Variants in PIGN observed in about 807,000 individuals in gnomAD.
PIGN encodes the protein GPI ethanolamine phosphate transferase 1.
PIGN carries 117 observed loss-of-function variants against 125.4 expected under a neutral mutation model. That is an observed-to-expected ratio of 0.93 (90% confidence interval 0.80 to 1.09). The LOEUF (loss-of-function observed/expected upper bound fraction) is 1.09, where lower values mean the gene tolerates loss of function less well. Among genes scored for constraint, PIGN ranks in the 50% least tolerant of loss-of-function variants. PIGN has a pLI of 0.00. For synonymous variants in PIGN, 392 were observed against 377.8 expected (o/e 1.04, Z -0.44); for missense variants, 1,075 against 1,094.9 (o/e 0.98, Z 0.26).
chr18:62,025,720 C>T (rs547110694), intron 23 of PIGN, among the ~76,000 whole-genome samples: 18 of 152,254 alleles, frequency 1.2e-4, no homozygotes, highest in African/African-American at 3.1e-4. Context: ...CTTCTCCTCC[C>T]GGGTTTCCTA....
At chr18:62,161,974 C>T (rs193071963) in intron 3 of PIGN, among the ~76,000 whole-genome samples, 2 of 152,080 alleles carry the variant, frequency 1.3e-5, no homozygotes, top group African/African-American at 2.4e-5. Flanking sequence ...TCACATTTGG[C>T]AGAATCATAT....
intron 11 of PIGN, among the ~76,000 whole-genome samples, chr18:62,141,547 C>G (rs140229875): frequency 4.5e-4 from 68 of 152,328 alleles, no homozygotes; most frequent in African/African-American, 1.4e-3. Context: ...GTCTTTCTCA[C>G]TTTCTACTAT....
At chr18:62,114,940 G>A (rs2146619613) in intron 14 of PIGN, among the ~76,000 whole-genome samples, 1 of 152,300 alleles carries the variant, frequency 6.6e-6, no homozygotes, top group Non-Finnish European at 1.5e-5. Flanking sequence ...TGATTAAATT[G>A]AAGTAATTAG....
chr18:62,025,188 T>C (rs1387548507), intron 23 of PIGN, among the ~76,000 whole-genome samples: 1 of 152,234 alleles, frequency 6.6e-6, no homozygotes, highest in Non-Finnish European at 1.5e-5. Flanking sequence ...CTTTTACTCA[T>C]ATATGTATTT....
chr18:62,049,297 G>A (rs2031039870), intron 30 of PIGN, among the ~76,000 whole-genome samples: 1 of 151,966 alleles, frequency 6.6e-6, no homozygotes, highest in South Asian at 2.1e-4. Flanking sequence ...CACAATGGTT[G>A]AACTAGTTTA....
intron 1 of PIGN, chr18:62,174,512 A>G (rs2037452656): frequency 6.6e-6 from 1 of 152,200 alleles, no homozygotes; most frequent in Non-Finnish European, 1.5e-5. Flanking sequence ...TGAAGGCCAG[A>G]GACATGAAGT....
At chr18:62,175,080 A>AATAT (rs1403569597) in intron 1 of PIGN, among the ~76,000 whole-genome samples, 2 of 145,978 alleles carry the variant, frequency 1.4e-5, no homozygotes, top group East Asian at 2.0e-4. Context: ...ATATATATTT[A>AATAT]ATATATCTAA....
At chr18:62,149,253 CA>C (rs1210498158) in intron 7 of PIGN, among the ~76,000 whole-genome samples, 34 of 152,138 alleles carry the variant, frequency 2.2e-4, no homozygotes, top group African/African-American at 7.7e-4. Flanking sequence ...AGAAACTATT[CA>C]AGAATAGAAA....
At chr18:62,130,418 CA>C (rs2035688937) in intron 14 of PIGN, among the ~76,000 whole-genome samples, 1 of 151,958 alleles carries the variant, frequency 6.6e-6, no homozygotes, top group Non-Finnish European at 1.5e-5. Flanking sequence ...TAAAAAGCAA[CA>C]TGTTTGAAAT....
chr18:62,182,921 G>A (rs2037767112), intron 1 of PIGN, among the ~76,000 whole-genome samples: 1 of 152,192 alleles, frequency 6.6e-6, no homozygotes, highest in African/African-American at 2.4e-5. Flanking sequence ...CAGAATGGTG[G>A]TAACCAGAGG....
chr18:62,079,004 C>T (rs1314576180), intron 28 of PIGN, among the ~76,000 whole-genome samples: 1 of 152,122 alleles, frequency 6.6e-6, no homozygotes, highest in African/African-American at 2.4e-5. Flanking sequence ...CTATCTGTGG[C>T]CCCTTCTTTT....
intron 10 of PIGN, among the ~76,000 whole-genome samples, chr18:62,143,710 G>C (rs1326460303): frequency 1.3e-5 from 2 of 152,088 alleles, no homozygotes; most frequent in African/African-American, 4.8e-5. Context: ...GAGTTATTAA[G>C]GCAATTCATA....
At chr18:62,136,208 T>C (rs2035926877) in intron 14 of PIGN, 1 of 152,194 alleles carries the variant, frequency 6.6e-6, no homozygotes, top group Non-Finnish European at 1.5e-5. Flanking sequence ...CCTAATGATA[T>C]ATTTAGGGTA....
chr18:62,109,930 A>G lies in PIGN; in HGVS notation c.1478T>C (p.Ile493Thr). The change falls in exon 17 of 31, where the codon ATT becomes ACT. Residue 493 changes from isoleucine (I) to threonine (T), a missense_variant. Physicochemically the swap from Ile to Thr is moderately conservative, Grantham distance 89. Transcript: ENST00000640252. ...AATCAGCAGAAAAAATGCTACTAAA[A>G]TGCCAATAGCTACAAAACTACAAGG... is the stretch of plus-strand genomic sequence containing the variant. ...LLPCSFVAIG[I>T]LVAFFLLIQA... The G allele has an allele frequency of 6.2e-7, 1 of 1,613,434 alleles. No homozygotes were observed. The highest frequency in any genetic ancestry group is 1.7e-4 in the Middle Eastern group (1 of 6,056).
At position 62,095,967 on chromosome 18, in the gene PIGN, C is replaced by A; in HGVS notation, c.2078-17G>T. The A allele has an allele frequency of 1.3e-6, 2 of 1,512,736 alleles. No homozygotes were observed. The highest frequency in any genetic ancestry group is 1.4e-5 in the African/African-American group (1 of 73,050). 93.7% of individuals were successfully genotyped at this position (1,512,736 alleles called of 1,614,324 possible). ...AGGAAGAGGCTGCAATGAAACAGAACAGGTCATCTGTCAGTATAAGAGACA... is the reference window on the plus strand; with the variant it reads ...AGGAAGAGGCTGCAATGAAACAGAAAAGGTCATCTGTCAGTATAAGAGACA... On this transcript the variant is annotated splice_polypyrimidine_tract_variant and intron_variant, in intron 22 of 30. Transcript: ENST00000640252.
chr18:62,063,432 G>T (rs693049), intron 30 of PIGN, among the ~76,000 whole-genome samples: 1,166 of 81,610 alleles, frequency 0.014, 7 homozygotes, highest in South Asian at 0.034. Flanking sequence ...ATAGATTTTA[G>T]CCAAAATCTA....
intron 23 of PIGN, among the ~76,000 whole-genome samples, chr18:62,030,775 T>C (rs2030184813): frequency 6.6e-6 from 1 of 152,220 alleles, no homozygotes; most frequent in African/African-American, 2.4e-5. Flanking sequence ...TTCTCACCAC[T>C]GTGTGGCACT....
chr18:62,159,761 G>A (rs2036874009), intron 4 of PIGN, among the ~76,000 whole-genome samples: 1 of 152,110 alleles, frequency 6.6e-6, no homozygotes, highest in Non-Finnish European at 1.5e-5. Context: ...AGGAACTGGA[G>A]ATAAAGTGGT....
intron 14 of PIGN, among the ~76,000 whole-genome samples, chr18:62,120,628 T>C (rs139665577): frequency 1.3e-5 from 2 of 152,222 alleles, no homozygotes; most frequent in Non-Finnish European, 1.5e-5. Flanking sequence ...TTTACATTAA[T>C]TTAATTTATA....
Sources: allele counts gnomAD v4.1 joint callset (sites outside exome capture counted in the v4.1 genomes callset), GRCh38; gene constraint gnomAD v4.1.1; transcripts MANE v1.5; gene names NCBI Gene and HGNC (gene_info 2026-07-23, HGNC 2026-07-21).